GOLGA2: variants seen among roughly 807,000 people sequenced by gnomAD.
GOLGA2 encodes the protein golgin subfamily A member 2.
Under a neutral mutation model 148.8 loss-of-function variants are expected in GOLGA2, and 49 were observed. That is an observed-to-expected ratio of 0.33 (90% CI 0.26 to 0.42). GOLGA2 has a LOEUF of 0.42. Ranked by LOEUF, GOLGA2 falls within the 10% of genes least tolerant of loss-of-function variation. GOLGA2 has a pLI of 1.00. For missense variants in GOLGA2, 1,178 were observed against 1,304.6 expected (o/e 0.90, Z 1.49); for synonymous variants, 501 against 511.8 (o/e 0.98, Z 0.28).
intron 3 of GOLGA2, among the ~76,000 whole-genome samples, chr9:128,270,841 T>C (rs1268827802): frequency 6.6e-6 from 1 of 151,524 alleles, no homozygotes; most frequent in East Asian, 1.9e-4. Context: ...AGGCCAGGAG[T>C]TCGAAACCAG....
Position 128,260,615 on chromosome 9 carries a change from C to T in GOLGA2, c.1608G>A (p.Arg536=). 1 of 1,611,408 alleles carries T rather than the reference C, an allele frequency of 6.2e-7. No individual in the cohort carries two copies. The highest frequency in any genetic ancestry group is 8.5e-7 in the Non-Finnish European group (1 of 1,179,984). Residue 536 remains arginine, a synonymous_variant, in exon 18 of 27, where the codon CGG becomes CGA. Coordinates refer to ENST00000611957, the MANE Select transcript of GOLGA2 (RefSeq NM_001366244.2). This position sits in a 1 kb window ranked among gnomAD's most constrained non-coding sequence, Gnocchi z 4.8. ...EQEERLLELE[R]AAELWGEQAE... is the part of the protein sequence containing the mutation. Reference sequence around the variant, plus strand: ...CCTGCTCCCCCCAGAGCTCGGCCGCCCGCTCCAGCTCCAGCAGCCTCTCCT... The same window carrying T: ...CCTGCTCCCCCCAGAGCTCGGCCGCTCGCTCCAGCTCCAGCAGCCTCTCCT...
chr9:128,273,808 T>C (rs1212544105), intron 2 of GOLGA2, 42 bp downstream of exon 2: 1 of 1,607,738 alleles, frequency 6.2e-7, no homozygotes, highest in Non-Finnish European at 8.5e-7. Context: ...CTACTGCCCC[T>C]TGGGCCCCCT....
chr9:128,267,143 T>C (rs780984946), intron 8 of GOLGA2, 51 bp downstream of exon 8: 1 of 1,212,592 alleles, frequency 8.2e-7, no homozygotes, highest in African/African-American at 1.5e-5. Flanking sequence ...AAGGGGAAAC[T>C]GGAGCCCAGG....
rs1269511038 is a variant in GOLGA2 at position 128,266,973 on chromosome 9, C to G, written c.642+221G>C. 1 of 610,750 alleles carries G rather than the reference C, an allele frequency of 1.6e-6. No individual in the cohort carries two copies. The highest frequency in any genetic ancestry group is 2.9e-6 in the Non-Finnish European group (1 of 339,648). The allele number at this position is 610,750 out of a possible 1,614,324, so 37.8% of individuals were successfully genotyped here. On this transcript the variant is annotated intron_variant, in intron 8 of 26. Transcript: ENST00000611957. This position sits in a 1 kb window ranked among gnomAD's most constrained non-coding sequence, Gnocchi z 4.2. ...AGGGCGTGTGTGGCAAGGACTCGAG[C>G]AGGGGTGTCTAGAGAAGAGAGAGTA...
rs1305422292 is a variant in GOLGA2, at chr9:128,260,283, G to C, written c.1759-94C>G. ...TCTGCCTCCCATGGCACCGGGAAGG[G>C]TGGAGGCAGGTTAGAAAAATCATCC... is the stretch of plus-strand genomic sequence containing the variant. On this transcript the variant is annotated intron_variant, in intron 18 of 26. Coordinates refer to ENST00000611957, the MANE Select transcript of GOLGA2 (RefSeq NM_001366244.2). This position sits in a 1 kb window ranked among gnomAD's most constrained non-coding sequence, Gnocchi z 4.8. The C allele has an allele frequency of 1.7e-6, 2 of 1,204,120 alleles. No homozygotes were observed. The highest frequency in any genetic ancestry group is 2.3e-5 in the East Asian group (1 of 43,102). The allele number at this position is 1,204,120 out of a possible 1,614,324, so 74.6% of individuals were successfully genotyped here. A position where few individuals can be genotyped will look rare whatever the true frequency, so the allele number is the denominator to read the frequency against.
At chr9:128,269,941 G>A (rs1830830854) in intron 3 of GOLGA2, among the ~76,000 whole-genome samples, 1 of 152,154 alleles carries the variant, frequency 6.6e-6, no homozygotes, top group African/African-American at 2.4e-5. Context: ...GGAACCTGGT[G>A]TTTCCTTGAC....
rs1830233738 is a variant in GOLGA2 at position 128,260,937 on chromosome 9, C to T, written c.1421-135G>A. 2.8e-6 allele frequency: 2 copies of T among 709,992 alleles called. No homozygotes were observed. Among genetic ancestry groups the T allele is most frequent in the South Asian group, 1.8e-5 (1 of 54,442 alleles). The allele number at this position is 709,992 out of a possible 1,614,324, so 44.0% of individuals were successfully genotyped here. ...TCGCACCCGGATGTTAGCCAATCTT[C>T]CAAACCACTTTCCGATAGCGACAAC... On this transcript the variant is annotated intron_variant, in intron 17 of 26. Transcript: ENST00000611957. The surrounding 1 kb of genome is among the most constrained non-coding windows in gnomAD (Gnocchi z 4.8).
Position 128,260,184 on chromosome 9 carries a change from A to G in GOLGA2, c.1764T>C (p.Asn588=), listed in dbSNP as rs1207537932. 4 of 1,601,642 alleles carry G rather than the reference A, an allele frequency of 2.5e-6. No individual in the cohort carries two copies. In the East Asian group the frequency reaches 6.7e-5, roughly 27 times the overall value. The change falls in exon 19 of 27, where the codon AAT becomes AAC. Residue 588 remains asparagine (N), a synonymous_variant. Transcript: ENST00000611957. This position sits in a 1 kb window ranked among gnomAD's most constrained non-coding sequence, Gnocchi z 4.8. ...ELQSGFVKLT[N]ENMEITSALQ... ...GTGCGCTGGTGATCTCCATGTTCTCATTAGTCTGGACAGAGAGAAGCAATC... is the reference window on the plus strand; with the variant it reads ...GTGCGCTGGTGATCTCCATGTTCTCGTTAGTCTGGACAGAGAGAAGCAATC...
At chr9:128,268,551 G>A in intron 3 of GOLGA2, 27 bp from the exon 4 acceptor site, 1 of 1,339,136 alleles carries the variant, frequency 7.5e-7, no homozygotes. Context: ...CAGGGGGTTA[G>A]GGGGCCATGC....
In GOLGA2 at chr9:128,260,292, G is replaced by C; in HGVS notation, c.1759-103C>G. On this transcript the variant is annotated intron_variant, in intron 18 of 26. Transcript: ENST00000611957. This position sits in a 1 kb window ranked among gnomAD's most constrained non-coding sequence, Gnocchi z 4.8. ...CATGGCACCGGGAAGGGTGGAGGCAGGTTAGAAAAATCATCCCCTCTCCCC... is the reference window on the plus strand; with the variant it reads ...CATGGCACCGGGAAGGGTGGAGGCACGTTAGAAAAATCATCCCCTCTCCCC... 8.4e-7 allele frequency: 1 copy of C among 1,197,226 alleles called. No homozygotes were observed. 74.2% of individuals were successfully genotyped at this position (1,197,226 alleles called of 1,614,324 possible).
chr9:128,273,763 C>A (rs1249460255), intron 2 of GOLGA2, 87 bp downstream of exon 2: 1 of 1,494,614 alleles, frequency 6.7e-7, no homozygotes, highest in African/African-American at 1.4e-5. Context: ...TTAATCAGTA[C>A]CCAACAGTTC....
chr9:128,268,197 T>G, intron 4 of GOLGA2, 37 bp from the exon 5 acceptor site: 1 of 1,580,928 alleles, frequency 6.3e-7, no homozygotes, highest in Non-Finnish European at 8.7e-7. Context: ...GTCATTCAAT[T>G]TCTGGTAAGA....
At chr9:128,262,435 G>T in intron 14 of GOLGA2, 128 bp downstream of exon 14, 1 of 731,054 alleles carries the variant, frequency 1.4e-6, no homozygotes, top group Non-Finnish European at 2.2e-6. Context: ...AGGATTTTAT[G>T]CCAGGACCGG....
chr9:128,262,447 A>C (rs1169991972), intron 14 of GOLGA2, 116 bp downstream of exon 14: 15 of 925,118 alleles, frequency 1.6e-5, no homozygotes, highest in African/African-American at 8.2e-5. Flanking sequence ...CAGGACCGGA[A>C]CAAGGACCCA....
chr9:128,266,157 G>A lies in GOLGA2; in HGVS notation c.681+130C>T, dbSNP rs1171522259. Reference sequence around the variant, plus strand: ...AGGTTATCAGGGACCCTGTGGGGATGGGGTGGAATCTGGGGGGGTGAGCCT... The same window carrying A: ...AGGTTATCAGGGACCCTGTGGGGATAGGGTGGAATCTGGGGGGGTGAGCCT... On this transcript the variant is annotated intron_variant, in intron 9 of 26. Coordinates refer to ENST00000611957, the MANE Select transcript of GOLGA2 (RefSeq NM_001366244.2). This position sits in a 1 kb window ranked among gnomAD's most constrained non-coding sequence, Gnocchi z 4.2. 2.2e-6 allele frequency: 3 copies of A among 1,361,568 alleles called. No individual in the cohort carries two copies. In the African/African-American group the frequency reaches 4.3e-5, roughly 19 times the overall value. The allele number at this position is 1,361,568 out of a possible 1,614,324, so 84.3% of individuals were successfully genotyped here. A position where few individuals can be genotyped will look rare whatever the true frequency, so the allele number is the denominator to read the frequency against.
rs1830034571 is a variant in GOLGA2 at position 128,258,357 on chromosome 9, CGAA to C, written c.2289+95_2289+97del. The C allele has an allele frequency of 7.9e-7, 1 of 1,265,668 alleles. No homozygotes were observed. The highest frequency in any genetic ancestry group is 1.3e-5 in the South Asian group (1 of 78,772). The allele number at this position is 1,265,668 out of a possible 1,614,324, so 78.4% of individuals were successfully genotyped here. On this transcript the variant is annotated intron_variant, in intron 22 of 26. Transcript: ENST00000611957. The surrounding 1 kb of genome is among the most constrained non-coding windows in gnomAD (Gnocchi z 6.6). ...GGCTCCCAGGAAAGGGGTGAGGGTCCGAAGAAATCAGAAGGCCGGGAAACCAAG... is the reference window on the plus strand; with the variant it reads ...GGCTCCCAGGAAAGGGGTGAGGGTCCGAAATCAGAAGGCCGGGAAACCAAG...
chr9:128,275,825 TG>T, intron 1 of GOLGA2, 67 bp downstream of exon 1: 1 of 824,962 alleles, frequency 1.2e-6, no homozygotes, highest in South Asian at 1.6e-5. Flanking sequence ...GCAGAGACTC[TG>T]GCCATGGTCC....
chr9:128,268,377 T>C (rs1334952986), intron 4 of GOLGA2, 43 bp downstream of exon 4: 1 of 1,128,776 alleles, frequency 8.9e-7, no homozygotes, highest in South Asian at 1.2e-5. Context: ...TAATGCATAA[T>C]AGGTACAGGA....
At chr9:128,275,865 C>CG in intron 1 of GOLGA2, 28 bp downstream of exon 1, 3 of 1,257,442 alleles carry the variant, frequency 2.4e-6, no homozygotes, top group Admixed American at 2.1e-5. Flanking sequence ...GGGGCTGGGT[C>CG]GGGGGGCCGC....
Sources: allele counts gnomAD v4.1 joint callset (sites outside exome capture counted in the v4.1 genomes callset), GRCh38; gene constraint gnomAD v4.1.1; non-coding constraint Gnocchi (gnomAD v3.1); transcripts MANE v1.5; gene names NCBI Gene and HGNC (gene_info 2026-07-23, HGNC 2026-07-21).